The following MAGI1 variants were observed in gnomAD, a reference collection of about 807,000 sequenced individuals.
MAGI1 encodes the protein membrane-associated guanylate kinase, WW and PDZ domain-containing protein 1.
A neutral mutation model predicts 139.9 loss-of-function variants in MAGI1; 58 were observed. The ratio of observed to expected loss-of-function variants is 0.41; its 90% confidence interval spans 0.34 to 0.52. The LOEUF (loss-of-function observed/expected upper bound fraction) is 0.52, where lower values mean the gene tolerates loss of function less well. Among genes scored for constraint, MAGI1 ranks in the 20% least tolerant of loss-of-function variants. The probability of loss-of-function intolerance (pLI) is 0.12; values close to 1 mark genes in which losing one functional copy is unlikely to be tolerated. For missense variants in MAGI1, 1,874 were observed against 1,901.6 expected (o/e 0.99, Z 0.27); for synonymous variants, 812 against 737.9 (o/e 1.10, Z -1.63).
At chr3:65,764,481 C>T (rs1359014026) in intron 1 of MAGI1, among the ~76,000 whole-genome samples, 1 of 152,184 alleles carries the variant, frequency 6.6e-6, no homozygotes, top group African/African-American at 2.4e-5. Context: ...AAAGAACCAA[C>T]ATTTTAGAAG....
chr3:65,560,129 A>G (rs74559728), intron 2 of MAGI1, among the ~76,000 whole-genome samples: 3,857 of 152,320 alleles, frequency 0.025, 82 homozygotes, highest in Admixed American at 0.049. Context: ...AATATTTAAT[A>G]TCTTCCCACT....
chr3:65,964,476 C>G lies in MAGI1; in HGVS notation c.313+73520G>C, dbSNP rs139252987. The stretch of plus-strand genomic sequence containing the variant: ...CAGGGCATGAGTCACTGGTTCCTTT[C>G]TTATTGAGATAGAAAGAAAGGTATA... On this transcript the variant is annotated intron_variant, in intron 1 of 22. Coordinates refer to ENST00000402939, the MANE Select transcript of MAGI1 (RefSeq NM_001033057.2). 9.3e-5 allele frequency among the ~76,000 whole-genome samples: 14 copies of G among 149,788 alleles called. No individual in the cohort carries two copies. The East Asian group carries it at 2.8e-3, about 30-fold the overall frequency.
intron 1 of MAGI1, among the ~76,000 whole-genome samples, chr3:65,652,726 G>C (rs922093539): frequency 6.6e-6 from 1 of 152,086 alleles, no homozygotes; most frequent in Non-Finnish European, 1.5e-5. Context: ...GGAATCACCT[G>C]AGTTTTAGTA....
intron 14 of MAGI1, among the ~76,000 whole-genome samples, chr3:65,385,306 G>T (rs1047022808): frequency 2.6e-5 from 4 of 151,696 alleles, no homozygotes; most frequent in Admixed American, 2.6e-4. Context: ...GTATACATAG[G>T]GTGTTTTATG....
At chr3:65,810,739 G>T (rs1420616922) in intron 1 of MAGI1, among the ~76,000 whole-genome samples, 2 of 152,200 alleles carry the variant, frequency 1.3e-5, no homozygotes, top group Non-Finnish European at 2.9e-5. Flanking sequence ...AATGCAAGGA[G>T]TAGAATCCCT....
intron 1 of MAGI1, among the ~76,000 whole-genome samples, chr3:65,920,023 T>C (rs1181243736): frequency 6.6e-6 from 1 of 152,218 alleles, no homozygotes; most frequent in Non-Finnish European, 1.5e-5. Flanking sequence ...TCACACAAAC[T>C]TCTCGCAATG....
chr3:65,719,785 G>A (rs1308130764), intron 1 of MAGI1, among the ~76,000 whole-genome samples: 1 of 152,092 alleles, frequency 6.6e-6, no homozygotes, highest in East Asian at 1.9e-4. Flanking sequence ...GGGCTCAAGA[G>A]ATCCATCTGC....
Position 65,956,662 on chromosome 3 carries a change from T to C in MAGI1, c.313+81334A>G, listed in dbSNP as rs140471111. 3.9e-4 allele frequency among the ~76,000 whole-genome samples: 59 copies of C among 152,254 alleles called. No individual in the cohort carries two copies. The South Asian group carries it at 5.2e-3, about 13-fold the overall frequency. Reference sequence around the variant, plus strand: ...TAAATAATGGAAACCCATAGACTACTCGTGGTAACATAAACTAGAAGAGCT... The same window carrying C: ...TAAATAATGGAAACCCATAGACTACCCGTGGTAACATAAACTAGAAGAGCT... On this transcript the variant is annotated intron_variant, in intron 1 of 22. Transcript: ENST00000402939.
intron 1 of MAGI1, among the ~76,000 whole-genome samples, chr3:65,801,948 T>A (rs2040539720): frequency 6.6e-6 from 1 of 151,938 alleles, no homozygotes; most frequent in South Asian, 2.1e-4. Context: ...GGCATTCAAT[T>A]CCCAGAGGAC....
Position 65,470,398 on chromosome 3 carries a change from C to T in MAGI1, c.844G>A (p.Asp282Asn). 1 of 1,613,818 alleles carries T rather than the reference C, an allele frequency of 6.2e-7. No homozygotes were observed. The highest frequency in any genetic ancestry group is 8.5e-7 in the Non-Finnish European group (1 of 1,179,896). The change falls in exon 5 of 23, where the codon GAC becomes AAC. Residue 282 changes from aspartate to asparagine, a missense_variant. Coordinates refer to ENST00000402939, the MANE Select transcript of MAGI1 (RefSeq NM_001033057.2). ...TATTGAGGGAACTTCTGAGAAGGGT[C>T]CGTGATGGGAGCAGCGATGATGCTA... ...NSSIIAAPIT[D>N]PSQKFPQYLP...
intron 1 of MAGI1, among the ~76,000 whole-genome samples, chr3:65,725,669 T>G (rs532332792): frequency 1.6e-4 from 24 of 152,268 alleles, no homozygotes; most frequent in Middle Eastern, 3.4e-3. Flanking sequence ...AAGCTAACAA[T>G]GCTGAAAGAC....
intron 1 of MAGI1, among the ~76,000 whole-genome samples, chr3:65,972,586 C>G (rs1220435564): frequency 1.3e-5 from 2 of 152,196 alleles, no homozygotes; most frequent in East Asian, 1.9e-4. Flanking sequence ...AGTTTCTATT[C>G]AGTCCAAAAT....
chr3:65,936,869 C>T (rs971832334), intron 1 of MAGI1, among the ~76,000 whole-genome samples: 1 of 151,840 alleles, frequency 6.6e-6, no homozygotes, highest in African/African-American at 2.4e-5. Flanking sequence ...GTAGCTGGGG[C>T]TACAGGTGTG....
chr3:65,787,699 T>C (rs1405545231), intron 1 of MAGI1, among the ~76,000 whole-genome samples: 1 of 151,888 alleles, frequency 6.6e-6, no homozygotes, highest in Non-Finnish European at 1.5e-5. Flanking sequence ...TTCATGGTGT[T>C]ATGGGAACAC....
intron 2 of MAGI1, among the ~76,000 whole-genome samples, chr3:65,592,521 T>C (rs938676734): frequency 1.3e-5 from 2 of 152,182 alleles, no homozygotes; most frequent in African/African-American, 4.8e-5. Flanking sequence ...ATATTTGTGT[T>C]ACATATTAAG....
intron 1 of MAGI1, among the ~76,000 whole-genome samples, chr3:65,759,990 T>C (rs1010650880): frequency 3.9e-5 from 6 of 152,128 alleles, no homozygotes; most frequent in South Asian, 2.1e-4. Context: ...TGAGCAAAAA[T>C]TGGAGAGCAC....
At chr3:65,782,571 G>A (rs2039015364) in intron 1 of MAGI1, among the ~76,000 whole-genome samples, 1 of 111,864 alleles carries the variant, frequency 8.9e-6, no homozygotes, top group South Asian at 3.0e-4. Flanking sequence ...CTGGACCAAA[G>A]GAGAATAAAA....
chr3:65,430,144 T>C lies in MAGI1; in HGVS notation c.1547-4A>G. 1 of 1,610,578 alleles carries C rather than the reference T, an allele frequency of 6.2e-7. No individual in the cohort carries two copies. Among genetic ancestry groups the C allele is most frequent in the Non-Finnish European group, 8.5e-7 (1 of 1,177,114 alleles). The stretch of plus-strand genomic sequence containing the variant: ...TTCACACTTACAATCACATCCCCTG[T>C]AGAAGGCAAGAGTGTGGGGGTTAAG... On this transcript the variant is annotated splice_region_variant and splice_polypyrimidine_tract_variant and intron_variant, in intron 11 of 22. Coordinates refer to ENST00000402939, the MANE Select transcript of MAGI1 (RefSeq NM_001033057.2).
chr3:65,969,860 T>C (rs984926624), intron 1 of MAGI1, among the ~76,000 whole-genome samples: 3 of 152,216 alleles, frequency 2.0e-5, no homozygotes, highest in Non-Finnish European at 4.4e-5. Flanking sequence ...AATAGACACA[T>C]GTAACCCTCG....
Sources: gnomAD v4.1 joint callset for allele counts (sites outside exome capture counted in the v4.1 genomes callset) on GRCh38, gnomAD v4.1.1 for gene constraint, MANE v1.5 for transcripts, NCBI Gene and HGNC (gene_info 2026-07-23, HGNC 2026-07-21) for gene names.